Variants in SLCO1A2 observed in about 807,000 individuals in gnomAD.
SLCO1A2 encodes solute carrier organic anion transporter family member 1A2.
SLCO1A2 carries 67 observed loss-of-function variants against 69.0 expected under a neutral mutation model. The observed-to-expected ratio is 0.97, with a 90% confidence interval of 0.80 to 1.19. The LOEUF (loss-of-function observed/expected upper bound fraction) is 1.19. Among genes scored for constraint, SLCO1A2 ranks in the 50% most tolerant of loss-of-function variants. The pLI is 0.00. For synonymous variants in SLCO1A2, 260 were observed against 265.9 expected (o/e 0.98, Z 0.22); for missense variants, 787 against 793.7 (o/e 0.99, Z 0.10).
intron 2 of SLCO1A2, among the ~76,000 whole-genome samples, chr12:21,351,365 A>G (rs1293472631): frequency 6.6e-6 from 1 of 152,180 alleles, no homozygotes; most frequent in East Asian, 1.9e-4. Context: ...TCCTAAACAG[A>G]CCTGTTAAAG....
chr12:21,305,054 A>C (rs1227993233), intron 5 of SLCO1A2, among the ~76,000 whole-genome samples: 2 of 152,236 alleles, frequency 1.3e-5, no homozygotes, highest in Non-Finnish European at 1.5e-5. Context: ...AGTTCGCTAA[A>C]GTGTGAATTC....
rs1284655203 is a variant in SLCO1A2, at chr12:21,366,093, T to C, written c.-63+8306A>G. On this transcript the variant is annotated intron_variant, in intron 2 of 15. Coordinates refer to the SLCO1A2 transcript ENST00000307378. Reference sequence around the variant, plus strand: ...TAAATCATGCTGCTATAAAGACACATGCATACGTATGTTTATTGCAGCACT... The same window carrying C: ...TAAATCATGCTGCTATAAAGACACACGCATACGTATGTTTATTGCAGCACT... 1.1e-4 allele frequency among the ~76,000 whole-genome samples: 17 copies of C among 152,268 alleles called. No individual in the cohort carries two copies. In the East Asian group the frequency reaches 3.1e-3, roughly 28 times the overall value.
At chr12:21,306,245 C>G (rs1040251222) in intron 5 of SLCO1A2, among the ~76,000 whole-genome samples, 9 of 152,112 alleles carry the variant, frequency 5.9e-5, no homozygotes, top group African/African-American at 2.2e-4. Flanking sequence ...TCATATACAC[C>G]AAATCATCAG....
At chr12:21,397,616 C>T (rs541927295), upstream of SLCO1A2, among the ~76,000 whole-genome samples, 502 of 152,018 alleles carry the variant, frequency 3.3e-3, 3 homozygotes, top group African/African-American at 0.011. Flanking sequence ...TGACCACATA[C>T]TGGGAAGTAA....
At chr12:21,359,619 C>T (rs545619838) in intron 2 of SLCO1A2, among the ~76,000 whole-genome samples, 2 of 152,186 alleles carry the variant, frequency 1.3e-5, no homozygotes, top group South Asian at 2.1e-4. Context: ...TGGTGGTGGG[C>T]ACCTGTGGTC....
intron 4 of SLCO1A2, among the ~76,000 whole-genome samples, chr12:21,309,826 A>C (rs1949885486): frequency 6.6e-6 from 1 of 152,188 alleles, no homozygotes; most frequent in Non-Finnish European, 1.5e-5. Context: ...AGGAAATAGC[A>C]ATGCAGCAGG....
chr12:21,307,644 T>C (rs915700091), intron 4 of SLCO1A2, among the ~76,000 whole-genome samples: 3 of 152,218 alleles, frequency 2.0e-5, no homozygotes, highest in African/African-American at 7.2e-5. Flanking sequence ...CCACATGCTT[T>C]TCCTCAGAAA....
intron 14 of SLCO1A2, among the ~76,000 whole-genome samples, chr12:21,270,733 GA>G (rs1942657031): frequency 6.6e-6 from 1 of 151,122 alleles, no homozygotes; most frequent in African/African-American, 2.4e-5. Flanking sequence ...TAATTGTCTA[GA>G]AAAATATCTA....
At position 21,268,812 on chromosome 12, in the gene SLCO1A2, A is replaced by C. The variant is rs2136025125; in HGVS notation, c.*736T>G. On this transcript the variant is annotated 3_prime_UTR_variant, in exon 15 of 15. Coordinates refer to ENST00000683939, the MANE Select transcript of SLCO1A2 (RefSeq NM_001386879.1). Reference sequence around the variant, plus strand: ...GGAGTTTTTATAATATTGTCCTTTCATCCTTTGATTCAGACACTTGTTTGT... The same window carrying C: ...GGAGTTTTTATAATATTGTCCTTTCCTCCTTTGATTCAGACACTTGTTTGT... The C allele has an allele frequency of 6.6e-6, 1 of 152,124 alleles. No individual in the cohort carries two copies. Among genetic ancestry groups the C allele is most frequent in the East Asian group, 1.9e-4 (1 of 5,178 alleles). The allele number at this position is 152,124 out of a possible 1,614,324, so 9.4% of individuals were successfully genotyped here.
chr12:21,306,854 C>CA (rs1305681439), intron 5 of SLCO1A2, 28 bp downstream of exon 5: 2 of 1,542,494 alleles, frequency 1.3e-6, no homozygotes, highest in African/African-American at 1.4e-5. Context: ...GTTCGCTGAA[C>CA]AAAAATCAAT....
intron 1 of SLCO1A2, among the ~76,000 whole-genome samples, chr12:21,405,800 G>C (rs960200583): frequency 2.0e-5 from 3 of 152,154 alleles, no homozygotes; most frequent in African/African-American, 7.2e-5. Flanking sequence ...ATTTTAAAGG[G>C]AGAAACAAGA....
chr12:21,324,576 T>G (rs1431463382), intron 2 of SLCO1A2: 2 of 152,210 alleles, frequency 1.3e-5, no homozygotes, highest in African/African-American at 4.8e-5. Flanking sequence ...TATATTGTCA[T>G]AAAACCAGAA....
At chr12:21,281,216 C>G (rs1944726537) in intron 12 of SLCO1A2, among the ~76,000 whole-genome samples, 1 of 152,030 alleles carries the variant, frequency 6.6e-6, no homozygotes, top group African/African-American at 2.4e-5. Flanking sequence ...CTTTGGGAGG[C>G]TGAGGTGGGT....
At chr12:21,313,695 A>C (rs1950496813) in intron 4 of SLCO1A2, among the ~76,000 whole-genome samples, 1 of 152,144 alleles carries the variant, frequency 6.6e-6, no homozygotes, top group Non-Finnish European at 1.5e-5. Flanking sequence ...CCTGGGCGAC[A>C]GAGTGAGTGA....
At chr12:21,393,928 C>T (rs142554708) in intron 1 of SLCO1A2, among the ~76,000 whole-genome samples, 1 of 152,276 alleles carries the variant, frequency 6.6e-6, no homozygotes, top group African/African-American at 2.4e-5. Flanking sequence ...TAGTAAAATG[C>T]CTTCCTTCAA....
intron 4 of SLCO1A2, among the ~76,000 whole-genome samples, chr12:21,314,101 A>G (rs1445531680): frequency 6.6e-6 from 1 of 152,052 alleles, no homozygotes; most frequent in Non-Finnish European, 1.5e-5. Flanking sequence ...CTTTTTGTCA[A>G]TGTAAGCTTT....
chr12:21,274,440 A>C, intron 14 of SLCO1A2, 29 bp downstream of exon 14: 1 of 1,471,894 alleles, frequency 6.8e-7, no homozygotes, highest in Non-Finnish European at 9.5e-7. Context: ...ATGCTTATAA[A>C]ACAATTTTAA....
At chr12:21,273,676 TAGC>T (rs1943291563) in intron 14 of SLCO1A2, among the ~76,000 whole-genome samples, 1 of 152,112 alleles carries the variant, frequency 6.6e-6, no homozygotes, top group Non-Finnish European at 1.5e-5. Flanking sequence ...ACCGCATACA[TAGC>T]ATGTAGCTGA....
chr12:21,394,408 G>A (rs1232460825), intron 1 of SLCO1A2, among the ~76,000 whole-genome samples: 1 of 145,502 alleles, frequency 6.9e-6, no homozygotes, highest in African/African-American at 2.6e-5. Flanking sequence ...AGAAGTGGTA[G>A]TGCATGCCTG....
Sources: gnomAD v4.1 joint callset for allele counts (sites outside exome capture counted in the v4.1 genomes callset) on GRCh38, gnomAD v4.1.1 for gene constraint, MANE v1.5 for transcripts, NCBI Gene and HGNC (gene_info 2026-07-23, HGNC 2026-07-21) for gene names.